The following CCL28 variants were observed in gnomAD, a reference collection of about 807,000 sequenced individuals.
CCL28 encodes the protein C-C motif chemokine ligand 28.
A neutral mutation model predicts 7.1 loss-of-function variants in CCL28; 4 were observed. That is an observed-to-expected ratio of 0.56 (90% CI 0.28 to 1.29). The LOEUF (loss-of-function observed/expected upper bound fraction) is 1.29. CCL28 is among the 50% of genes most tolerant of loss of function. CCL28 has a pLI of 0.11. For missense variants in CCL28, 151 were observed against 163.4 expected, an observed-to-expected ratio of 0.92 and a Z score of 0.41; for synonymous variants, 55 against 57.8, an observed-to-expected ratio of 0.95 and a Z score of 0.22.
At chr5:43,398,468 G>A (rs1399561077) in intron 1 of CCL28, among the ~76,000 whole-genome samples, 1 of 152,096 alleles carries the variant, frequency 6.6e-6, no homozygotes, top group Non-Finnish European at 1.5e-5. Context: ...TTGTCTCATT[G>A]GACCTCTCTG....
chr5:43,405,911 T>G (rs2111894472), intron 1 of CCL28, among the ~76,000 whole-genome samples: 1 of 152,236 alleles, frequency 6.6e-6, no homozygotes, highest in Middle Eastern at 3.4e-3. Context: ...AATGGATAAA[T>G]TCCTGGACAC....
intron 1 of CCL28, among the ~76,000 whole-genome samples, chr5:43,400,519 T>C (rs1278625029): frequency 6.7e-6 from 1 of 149,606 alleles, no homozygotes; most frequent in Non-Finnish European, 1.5e-5. Context: ...CTTGCTATTG[T>C]AGAGACGTGA....
At chr5:43,390,735 C>T (rs890978507) in intron 1 of CCL28, among the ~76,000 whole-genome samples, 10 of 152,184 alleles carry the variant, frequency 6.6e-5, no homozygotes, top group African/African-American at 2.4e-4. Context: ...GGTCAACTTC[C>T]CCCAGACTCT....
chr5:43,375,591 C>T (rs907225216), downstream of CCL28, among the ~76,000 whole-genome samples: 17 of 151,172 alleles, frequency 1.1e-4, no homozygotes, highest in Admixed American at 6.6e-4. Context: ...ATGCAGTTGA[C>T]GTGAATGCTG....
At chr5:43,366,664 C>T in the CCL28 span, among the ~76,000 whole-genome samples, 139 of 152,346 alleles carry the variant, frequency 9.1e-4, 2 homozygotes, top group East Asian at 0.02. Flanking sequence ...CTTAGCAGAG[C>T]TCAAGTGCTA....
At chr5:43,363,408 T>C in the CCL28 span, among the ~76,000 whole-genome samples, 72 of 152,332 alleles carry the variant, frequency 4.7e-4, no homozygotes, top group Non-Finnish European at 7.9e-4. Flanking sequence ...ATGATATCCT[T>C]ACTGGACCAG....
intron 1 of CCL28, among the ~76,000 whole-genome samples, chr5:43,404,354 CAA>C (rs1208946541): frequency 6.6e-5 from 10 of 152,186 alleles, no homozygotes; most frequent in Non-Finnish European, 1.5e-4. Flanking sequence ...GGCCAATATT[CAA>C]CATTCTTAAA....
In CCL28 at chr5:43,388,412, C is replaced by T; in HGVS notation, c.129G>A (p.Leu43=). The T allele has an allele frequency of 6.2e-7, 1 of 1,614,116 alleles. No homozygotes were observed. Among genetic ancestry groups the T allele is most frequent in the Non-Finnish European group, 8.5e-7 (1 of 1,180,022 alleles). The change falls in exon 2 of 3, where the codon CTG becomes CTA. Residue 43 remains leucine, a synonymous_variant. Transcript: ENST00000361115. The part of the protein sequence containing the change: ...EVSHHISRRL[L]ERVNMCRIQR... ...GGATGCGACACATATTCACTCTTTCCAGGAGCCTTCTGGAAATATGATGTG... is the reference window on the plus strand; with the variant it reads ...GGATGCGACACATATTCACTCTTTCTAGGAGCCTTCTGGAAATATGATGTG...
the CCL28 span, among the ~76,000 whole-genome samples, chr5:43,364,376 A>C: frequency 1.3e-5 from 2 of 151,988 alleles, no homozygotes; most frequent in African/African-American, 4.8e-5. Context: ...TTATATGTTT[A>C]TGCCACTGTA....
intron 1 of CCL28, among the ~76,000 whole-genome samples, chr5:43,410,636 G>A (rs550868047): frequency 2.3e-4 from 35 of 152,232 alleles, no homozygotes; most frequent in Middle Eastern, 3.4e-3. Context: ...CTGCCTCCTC[G>A]ACCTGCTGTT....
At chr5:43,378,689 G>A (rs1002484904), downstream of CCL28, among the ~76,000 whole-genome samples, 55 of 152,166 alleles carry the variant, frequency 3.6e-4, no homozygotes, top group Admixed American at 2.6e-4. Flanking sequence ...TTGGCCGGGC[G>A]CGGTGGCTCA....
chr5:43,399,432 T>G, intron 1 of CCL28, among the ~76,000 whole-genome samples: 1 of 152,216 alleles, frequency 6.6e-6, no homozygotes, highest in East Asian at 1.9e-4. Flanking sequence ...GTCTTTACCA[T>G]GTATGACATT....
At chr5:43,405,932 C>A (rs2111894740) in intron 1 of CCL28, among the ~76,000 whole-genome samples, 1 of 152,128 alleles carries the variant, frequency 6.6e-6, no homozygotes, top group African/African-American at 2.4e-5. Context: ...ATACACCCTC[C>A]CAAGACTAAA....
intron 1 of CCL28, among the ~76,000 whole-genome samples, chr5:43,388,814 A>G (rs545439918): frequency 6.6e-6 from 1 of 152,330 alleles, no homozygotes; most frequent in African/African-American, 2.4e-5. Flanking sequence ...GAAAAGCATC[A>G]TTCGTTCAGC....
the CCL28 span, among the ~76,000 whole-genome samples, chr5:43,358,772 A>C: frequency 6.6e-6 from 1 of 152,238 alleles, no homozygotes; most frequent in East Asian, 1.9e-4. Flanking sequence ...AACCAATGTT[A>C]ATTACAAGGA....
chr5:43,376,405 G>GC (rs1376684845), downstream of CCL28, among the ~76,000 whole-genome samples: 5 of 152,166 alleles, frequency 3.3e-5, no homozygotes, highest in Non-Finnish European at 7.4e-5. Context: ...ACATGGGAGA[G>GC]CCCCCCACAA....
chr5:43,386,652 G>A (rs1671163070), intron 2 of CCL28, among the ~76,000 whole-genome samples: 1 of 152,166 alleles, frequency 6.6e-6, no homozygotes. Context: ...AATGCTCACA[G>A]GTTCATACAC....
At position 43,388,367 on chromosome 5, in the gene CCL28, A is replaced by G. The variant is rs1740427992; in HGVS notation, c.174T>C (p.Cys58=). ...MCRIQRADGD[C]DLAAVILHVK... ...GCACTCACATGACAGCAGCCAAGTC[A>G]CAATCCCCATCAGCTCTCTGGATGC... Residue 58 remains cysteine (C), a synonymous_variant, in exon 2 of 3, where the codon TGT becomes TGC. Transcript: ENST00000361115. 1 of 1,614,158 alleles carries G rather than the reference A, an allele frequency of 6.2e-7. No individual in the cohort carries two copies. Among genetic ancestry groups the G allele is most frequent in the East Asian group, 2.2e-5 (1 of 44,884 alleles).
downstream of CCL28, among the ~76,000 whole-genome samples, chr5:43,378,384 T>C (rs1167699353): frequency 2.0e-5 from 3 of 152,004 alleles, no homozygotes; most frequent in Non-Finnish European, 4.4e-5. Context: ...GCCTCAAGGA[T>C]AGGTCTAGGA....
Sources: gnomAD v4.1 joint callset for allele counts (sites outside exome capture counted in the v4.1 genomes callset) on GRCh38, gnomAD v4.1.1 for gene constraint, MANE v1.5 for transcripts, NCBI Gene and HGNC (gene_info 2026-07-23, HGNC 2026-07-21) for gene names.